The following PLEKHA5 variants were observed in gnomAD, a reference collection of about 807,000 sequenced individuals.
PLEKHA5 encodes the protein pleckstrin homology domain-containing family A member 5.
In PLEKHA5, 55 loss-of-function variants were observed where a neutral mutation model predicts 181.9. The ratio of observed to expected loss-of-function variants is 0.30; its 90% CI spans 0.24 to 0.38. The LOEUF (loss-of-function observed/expected upper bound fraction) is 0.38. PLEKHA5 is among the 10% of genes least tolerant of loss of function. PLEKHA5 has a pLI of 1.00. For missense variants in PLEKHA5, 1,432 were observed against 1,549.5 expected (o/e 0.92, Z 1.27); for synonymous variants, 535 against 529.4 (o/e 1.01, Z -0.15).
At chr12:19,178,519 G>C (rs1468057079) in intron 3 of PLEKHA5, among the ~76,000 whole-genome samples, 3 of 152,218 alleles carry the variant, frequency 2.0e-5, no homozygotes, top group Non-Finnish European at 4.4e-5. Flanking sequence ...CATGATTGAA[G>C]TAATAACATT....
chr12:19,131,848 A>G lies in PLEKHA5; in HGVS notation c.170-545A>G, dbSNP rs918403201. ...GAATCATCCCCAACTTTACTACTTG[A>G]AACTTCACGTCTCTTAGTCAAATTT... is the stretch of plus-strand genomic sequence containing the variant. On this transcript the variant is annotated intron_variant, in intron 2 of 31. Coordinates refer to ENST00000429027, the MANE Select transcript of PLEKHA5 (RefSeq NM_001256470.2). Among the ~76,000 whole-genome samples, 4 of 152,186 alleles carry G rather than the reference A, an allele frequency of 2.6e-5. No homozygotes were observed. In the East Asian group the frequency reaches 5.8e-4, roughly 22 times the overall value.
At chr12:19,250,310 C>A (rs756396136) in intron 3 of PLEKHA5, among the ~76,000 whole-genome samples, 14 of 152,136 alleles carry the variant, frequency 9.2e-5, no homozygotes, top group Non-Finnish European at 1.9e-4. Flanking sequence ...TTTGGCCGGG[C>A]GCAGAGGCTC....
chr12:19,358,133 C>A, intron 26 of PLEKHA5, 95 bp from the exon 27 acceptor site: 1 of 834,912 alleles, frequency 1.2e-6, no homozygotes, highest in Non-Finnish European at 1.9e-6. Flanking sequence ...ATTTTGAAAA[C>A]AAAATAAATA....
At chr12:19,306,349 C>A (rs2083542694) in intron 15 of PLEKHA5, 17 of 432,534 alleles carry the variant, frequency 3.9e-5, no homozygotes, top group Non-Finnish European at 5.0e-5. Context: ...CGTTTGTTTT[C>A]TCGTGCTCTC....
chr12:19,348,779 C>T (rs1474774825), intron 25 of PLEKHA5, among the ~76,000 whole-genome samples: 1 of 151,860 alleles, frequency 6.6e-6, no homozygotes, highest in Non-Finnish European at 1.5e-5. Context: ...ATATTCATTC[C>T]AAGTGGCATA....
chr12:19,346,154 A>G (rs1013550914), intron 23 of PLEKHA5, among the ~76,000 whole-genome samples: 1 of 152,050 alleles, frequency 6.6e-6, no homozygotes, highest in Non-Finnish European at 1.5e-5. Context: ...AATCTAAGTA[A>G]TGTTTGAATA....
intron 15 of PLEKHA5, among the ~76,000 whole-genome samples, chr12:19,293,060 CA>C (rs1415403543): frequency 3.9e-5 from 6 of 152,158 alleles, no homozygotes; most frequent in Non-Finnish European, 4.4e-5. Flanking sequence ...TCATTGAATA[CA>C]TTTTTTTATA....
chr12:19,277,876 C>T (rs1431661571), intron 11 of PLEKHA5, among the ~76,000 whole-genome samples: 1 of 152,168 alleles, frequency 6.6e-6, no homozygotes, highest in Non-Finnish European at 1.5e-5. Flanking sequence ...TGTTAAGATG[C>T]ATGGTCCTTA....
At chr12:19,322,105 AG>A (rs1259731796) in intron 18 of PLEKHA5, among the ~76,000 whole-genome samples, 5 of 152,180 alleles carry the variant, frequency 3.3e-5, no homozygotes, top group Non-Finnish European at 7.4e-5. Context: ...ATTTTAATTA[AG>A]GACTGCATAT....
rs2090441870 is a variant in PLEKHA5 at position 19,320,748 on chromosome 12, A to C, written c.2217+124A>C. The C allele has an allele frequency of 7.6e-6, 4 of 523,394 alleles. No individual in the cohort carries two copies. The South Asian group carries it at 1.5e-4, about 20-fold the overall frequency. The allele number at this position is 523,394 out of a possible 1,614,324, so 32.4% of individuals were successfully genotyped here. On this transcript the variant is annotated intron_variant, in intron 18 of 31. Transcript: ENST00000429027. ...CTCCAAAGTGACATCAGGTAAATTC[A>C]TATTTTATGTGTGTGCTCTAAATTA... is the stretch of plus-strand genomic sequence containing the variant.
chr12:19,310,541 C>CAA (rs2152982713), intron 15 of PLEKHA5, among the ~76,000 whole-genome samples: 1 of 144,212 alleles, frequency 6.9e-6, no homozygotes, highest in South Asian at 2.2e-4. Flanking sequence ...ACTCGGGAGG[C>CAA]AGAGGTTGAA....
intron 11 of PLEKHA5, among the ~76,000 whole-genome samples, chr12:19,278,336 G>C: frequency 6.6e-6 from 1 of 152,120 alleles, no homozygotes; most frequent in East Asian, 1.9e-4. Context: ...ATACTTCAGA[G>C]CACTTGACAA....
chr12:19,313,169 G>A (rs1233220587), intron 15 of PLEKHA5, among the ~76,000 whole-genome samples: 2 of 152,098 alleles, frequency 1.3e-5, no homozygotes, highest in Non-Finnish European at 2.9e-5. Context: ...GAGCCCAGGA[G>A]TTCAAGACCA....
At chr12:19,354,214 C>T (rs1306967759) in intron 26 of PLEKHA5, among the ~76,000 whole-genome samples, 4 of 113,248 alleles carry the variant, frequency 3.5e-5, no homozygotes, top group Non-Finnish European at 5.0e-5. Context: ...TGCTGTGGCG[C>T]GATCTCGGCT....
chr12:19,374,073 A>C (rs141678725), intron 31 of PLEKHA5, among the ~76,000 whole-genome samples: 1 of 152,176 alleles, frequency 6.6e-6, no homozygotes, highest in Admixed American at 6.6e-5. Context: ...ATATCTTCCT[A>C]TTATGCATAT....
At chr12:19,345,077 A>G (rs1257457952) in intron 22 of PLEKHA5, among the ~76,000 whole-genome samples, 5 of 151,206 alleles carry the variant, frequency 3.3e-5, no homozygotes, top group Non-Finnish European at 7.4e-5. Context: ...CTGCACTCCA[A>G]CCTGGGCAAC....
At chr12:19,354,896 G>A (rs1772404901) in intron 26 of PLEKHA5, among the ~76,000 whole-genome samples, 2 of 152,152 alleles carry the variant, frequency 1.3e-5, no homozygotes, top group Admixed American at 1.3e-4. Context: ...ACAATTTGTA[G>A]AATCTATTCT....
rs1722781735 is a variant in PLEKHA5, at chr12:19,263,287, T to C, written c.610+2266T>C. 2.0e-5 allele frequency among the ~76,000 whole-genome samples: 3 copies of C among 152,132 alleles called. 1 individual carries two copies. In the South Asian group the frequency reaches 6.2e-4, roughly 32 times the overall value. On this transcript the variant is annotated intron_variant, in intron 7 of 31. Coordinates refer to ENST00000429027, the MANE Select transcript of PLEKHA5 (RefSeq NM_001256470.2). ...GATAACGTGGGGAATCTTATGTTCA[T>C]TGCACGCGAGGGGAAACTCATATAC...
chr12:19,356,805 C>T (rs982804050), intron 26 of PLEKHA5, among the ~76,000 whole-genome samples: 1 of 150,966 alleles, frequency 6.6e-6, no homozygotes, highest in African/African-American at 2.4e-5. Context: ...GGCCTACAGG[C>T]GCCCGCCATC....
Sources: allele counts gnomAD v4.1 joint callset (sites outside exome capture counted in the v4.1 genomes callset), GRCh38; gene constraint gnomAD v4.1.1; transcripts MANE v1.5; gene names NCBI Gene and HGNC (gene_info 2026-07-23, HGNC 2026-07-21).